GABRG1: variants seen among roughly 807,000 people sequenced by gnomAD.
GABRG1 encodes gamma-aminobutyric acid type A receptor subunit gamma1.
GABRG1 carries 49 observed loss-of-function variants against 49.8 expected under a neutral mutation model. The ratio of observed to expected loss-of-function variants is 0.98; its 90% CI spans 0.78 to 1.25. The LOEUF (loss-of-function observed/expected upper bound fraction) is 1.25, where lower values mean the gene tolerates loss of function less well. GABRG1 is among the 50% of genes most tolerant of loss of function. GABRG1 has a pLI of 0.00. For missense variants in GABRG1, 552 were observed against 552.3 expected, an observed-to-expected ratio of 1.00 and a Z score of 0.01; for synonymous variants, 232 against 185.1, an observed-to-expected ratio of 1.25 and a Z score of -2.06.
Position 46,039,308 on chromosome 4 carries a change from GA to G in GABRG1, c.*1679del, listed in dbSNP as rs1717663374. 6.7e-6 allele frequency: 1 copy of G among 150,184 alleles called. No individual in the cohort carries two copies. Among genetic ancestry groups the G allele is most frequent in the Admixed American group, 6.7e-5 (1 of 15,018 alleles). 9.3% of individuals were successfully genotyped at this position (150,184 alleles called of 1,614,324 possible). On this transcript the variant is annotated 3_prime_UTR_variant, in exon 9 of 9. Transcript: ENST00000295452. ...TTTGATTCATGCTTATTTTTTTCCA[GA>G]AGTTTATGAGCAAGTGAAAAAAAAA...
intron 1 of GABRG1, among the ~76,000 whole-genome samples, chr4:46,104,473 A>G (rs930465172): frequency 5.3e-5 from 8 of 151,550 alleles, no homozygotes; most frequent in Admixed American, 2.0e-4. Context: ...ACATTTTAGC[A>G]TATACCTATG....
rs1020084651 is a variant in GABRG1 at position 46,038,075 on chromosome 4, G to T, written c.*2913C>A. 1 of 151,572 alleles carries T rather than the reference G, an allele frequency of 6.6e-6. No individual in the cohort carries two copies. The highest frequency in any genetic ancestry group is 6.6e-5 in the Admixed American group (1 of 15,164). 9.4% of individuals were successfully genotyped at this position (151,572 alleles called of 1,614,324 possible). On this transcript the variant is annotated 3_prime_UTR_variant, in exon 9 of 9. Transcript: ENST00000295452. Reference sequence around the variant, plus strand: ...TGATCAATTTTAAAAACTTATTAAAGAAATCTGTCTTTAACTTAAAATAAA... The same window carrying T: ...TGATCAATTTTAAAAACTTATTAAATAAATCTGTCTTTAACTTAAAATAAA...
intron 1 of GABRG1, among the ~76,000 whole-genome samples, chr4:46,098,149 G>A (rs1240896029): frequency 6.6e-6 from 1 of 151,642 alleles, no homozygotes; most frequent in African/African-American, 2.4e-5. Flanking sequence ...TCCAACTATT[G>A]CTTTCTGATA....
intron 3 of GABRG1, among the ~76,000 whole-genome samples, chr4:46,069,542 G>A (rs1719041149): frequency 6.6e-6 from 1 of 152,064 alleles, no homozygotes; most frequent in Non-Finnish European, 1.5e-5. Context: ...GGAACAAAGA[G>A]GTTATGCCAA....
chr4:46,085,179 G>A (rs1265896794), intron 2 of GABRG1, among the ~76,000 whole-genome samples: 1 of 151,262 alleles, frequency 6.6e-6, no homozygotes, highest in African/African-American at 2.4e-5. Context: ...TACATTGAGA[G>A]GGAAATTGTT....
At chr4:46,092,834 G>T (rs1014558668) in intron 2 of GABRG1, among the ~76,000 whole-genome samples, 2 of 151,020 alleles carry the variant, frequency 1.3e-5, no homozygotes, top group African/African-American at 4.9e-5. Flanking sequence ...GGCCGAGGTG[G>T]GTGGGTCACC....
In GABRG1 at chr4:46,039,594, C is replaced by T. The variant is rs977888334; in HGVS notation, c.*1394G>A. On this transcript the variant is annotated 3_prime_UTR_variant, in exon 9 of 9. Coordinates refer to ENST00000295452, the MANE Select transcript of GABRG1 (RefSeq NM_173536.4). ...AGAAACAATCTTTAAAGGTTATTTC[C>T]AAGCTAAACCTGGTGGTTCTCCAGA... 6.6e-6 allele frequency: 1 copy of T among 151,612 alleles called. No homozygotes were observed. The highest frequency in any genetic ancestry group is 2.4e-5 in the African/African-American group (1 of 41,370). 9.4% of individuals were successfully genotyped at this position (151,612 alleles called of 1,614,324 possible).
chr4:46,120,193 T>A (rs1017442545), intron 1 of GABRG1, among the ~76,000 whole-genome samples: 5 of 151,726 alleles, frequency 3.3e-5, no homozygotes, highest in Admixed American at 2.0e-4. Flanking sequence ...TGAATTACTC[T>A]CTTGAAGCTC....
intron 5 of GABRG1, among the ~76,000 whole-genome samples, chr4:46,061,856 A>G (rs1302483693): frequency 4.2e-5 from 6 of 143,190 alleles, no homozygotes; most frequent in African/African-American, 1.6e-4. Context: ...TTTTATGTGG[A>G]ACAAATTTGT....
chr4:46,067,916 T>G (rs1483042403), intron 3 of GABRG1, among the ~76,000 whole-genome samples: 1 of 152,132 alleles, frequency 6.6e-6, no homozygotes, highest in African/African-American at 2.4e-5. Context: ...GTGTACCTAT[T>G]CTTTGAACCT....
chr4:46,067,746 C>A (rs920494001), intron 3 of GABRG1, among the ~76,000 whole-genome samples: 3 of 152,100 alleles, frequency 2.0e-5, no homozygotes, highest in African/African-American at 7.2e-5. Flanking sequence ...GTGTTTAAAG[C>A]ACAGGCTGAG....
intron 1 of GABRG1, among the ~76,000 whole-genome samples, chr4:46,099,154 T>A (rs1377169791): frequency 6.6e-6 from 1 of 151,686 alleles, no homozygotes; most frequent in African/African-American, 2.4e-5. Flanking sequence ...CCCTACTAAC[T>A]TTTAACTTGT....
chr4:46,115,734 G>T (rs1720864096), intron 1 of GABRG1, among the ~76,000 whole-genome samples: 1 of 150,630 alleles, frequency 6.6e-6, no homozygotes. Context: ...TCTAAAATAG[G>T]AAACAAATAG....
intron 3 of GABRG1, among the ~76,000 whole-genome samples, chr4:46,080,499 T>C (rs1719523248): frequency 6.6e-6 from 1 of 151,868 alleles, no homozygotes; most frequent in Admixed American, 6.6e-5. Context: ...TGTTTTAGTA[T>C]CACTAGTTTC....
At chr4:46,072,884 G>A (rs1412623194) in intron 3 of GABRG1, among the ~76,000 whole-genome samples, 1 of 151,632 alleles carries the variant, frequency 6.6e-6, no homozygotes, top group East Asian at 1.9e-4. Flanking sequence ...CCTCTGCTGA[G>A]ATTCAATACT....
intron 1 of GABRG1, among the ~76,000 whole-genome samples, chr4:46,119,458 A>C (rs934926145): frequency 6.6e-6 from 1 of 151,584 alleles, no homozygotes; most frequent in Non-Finnish European, 1.5e-5. Context: ...TAATAAGTTC[A>C]CAAAAATGTT....
intron 1 of GABRG1, among the ~76,000 whole-genome samples, chr4:46,113,166 AG>A (rs1480924043): frequency 1.3e-4 from 20 of 151,158 alleles, no homozygotes; most frequent in African/African-American, 4.8e-4. Flanking sequence ...TCTATGTATT[AG>A]TCCATTTTTA....
chr4:46,117,253 T>G (rs1720925931), intron 1 of GABRG1, among the ~76,000 whole-genome samples: 1 of 150,650 alleles, frequency 6.6e-6, no homozygotes, highest in African/African-American at 2.4e-5. Context: ...TTTACTTCTG[T>G]ATCTCTATTG....
intron 7 of GABRG1, among the ~76,000 whole-genome samples, chr4:46,052,515 C>T (rs1295434153): frequency 2.0e-5 from 3 of 151,772 alleles, no homozygotes; most frequent in African/African-American, 7.3e-5. Context: ...TGGGATGTCC[C>T]CAAGGGTCCC....
Sources: allele counts gnomAD v4.1 joint callset (sites outside exome capture counted in the v4.1 genomes callset), GRCh38; gene constraint gnomAD v4.1.1; transcripts MANE v1.5; gene names NCBI Gene and HGNC (gene_info 2026-07-23, HGNC 2026-07-21).